The following NTRK3 variants were observed in gnomAD, a reference collection of about 807,000 sequenced individuals.
NTRK3 encodes NT-3 growth factor receptor.
A neutral mutation model predicts 91.7 loss-of-function variants in NTRK3; 24 were observed. The observed-to-expected ratio is 0.26, with a 90% CI of 0.19 to 0.37. The LOEUF (loss-of-function observed/expected upper bound fraction) is 0.37. NTRK3 is among the 10% of genes least tolerant of loss of function. The pLI is 1.00. For synonymous variants in NTRK3, 483 were observed against 404.0 expected (o/e 1.20, Z -2.34); for missense variants, 880 against 1,068.9 (o/e 0.82, Z 2.46).
intron 17 of NTRK3, among the ~76,000 whole-genome samples, chr15:87,912,929 A>ATATATATAT (rs1555435273): frequency 0.014 from 203 of 14,882 alleles, no homozygotes; most frequent in African/African-American, 0.016. Flanking sequence ...AAAGTAAAAA[A>ATATATATAT]AAATATATAT....
intron 14 of NTRK3, among the ~76,000 whole-genome samples, chr15:87,971,620 G>A (rs1267922520): frequency 6.6e-6 from 1 of 152,198 alleles, no homozygotes; most frequent in African/African-American, 2.4e-5. Context: ...ATTAGCCTTT[G>A]TAGGTGCAGG....
chr15:88,008,724 A>G (rs556866105), intron 14 of NTRK3, among the ~76,000 whole-genome samples: 1 of 152,156 alleles, frequency 6.6e-6, no homozygotes, highest in Non-Finnish European at 1.5e-5. Context: ...GCGATTCTTC[A>G]TATTAAACAG....
chr15:88,077,638 A>T (rs2047668150), intron 13 of NTRK3, among the ~76,000 whole-genome samples: 1 of 152,174 alleles, frequency 6.6e-6, no homozygotes, highest in Non-Finnish European at 1.5e-5. Flanking sequence ...TATATCTCCT[A>T]GCCTGCTGAA....
chr15:88,188,056 C>T (rs1052191490), intron 3 of NTRK3, among the ~76,000 whole-genome samples: 9 of 152,328 alleles, frequency 5.9e-5, no homozygotes, highest in South Asian at 2.1e-4. Context: ...CAGCTCATCC[C>T]TGCCCGGACA....
intron 17 of NTRK3, among the ~76,000 whole-genome samples, chr15:87,894,952 G>A (rs1324003349): frequency 2.0e-5 from 3 of 152,068 alleles, no homozygotes; most frequent in Admixed American, 1.3e-4. Flanking sequence ...CTCTTTGGTG[G>A]TTCATCCTAC....
At chr15:88,230,919 A>C (rs1482723137) in intron 3 of NTRK3, among the ~76,000 whole-genome samples, 1 of 152,252 alleles carries the variant, frequency 6.6e-6, no homozygotes, top group African/African-American at 2.4e-5. Flanking sequence ...GCCCATGGAG[A>C]AAACTGGCTG....
At chr15:88,086,731 G>A (rs372702604) in intron 13 of NTRK3, among the ~76,000 whole-genome samples, 2 of 152,198 alleles carry the variant, frequency 1.3e-5, no homozygotes, top group Non-Finnish European at 2.9e-5. Context: ...TTTGGAGTAC[G>A]CAGGTGGTTT....
At chr15:87,981,223 C>T in intron 14 of NTRK3, 1 of 1,575,650 alleles carries the variant, frequency 6.3e-7, no homozygotes, top group Non-Finnish European at 8.6e-7. Context: ...GGAGGTAACT[C>T]ACCATGTGAC....
chr15:88,199,758 T>C (rs2048140489), intron 3 of NTRK3, among the ~76,000 whole-genome samples: 1 of 152,186 alleles, frequency 6.6e-6, no homozygotes. Flanking sequence ...GACCCAGTCT[T>C]TGGCCCTCAC....
chr15:88,125,661 C>T (rs1253501077), intron 13 of NTRK3, among the ~76,000 whole-genome samples: 3 of 152,268 alleles, frequency 2.0e-5, no homozygotes, highest in South Asian at 2.1e-4. Context: ...TCCCCTTACC[C>T]GAGCCTTGGC....
chr15:88,107,690 C>T (rs541327296), intron 13 of NTRK3, among the ~76,000 whole-genome samples: 2 of 152,250 alleles, frequency 1.3e-5, no homozygotes, highest in Admixed American at 6.5e-5. Context: ...CATTTGCACA[C>T]AGATGTGTCT....
At chr15:88,027,403 GAC>G (rs1314504234) in intron 14 of NTRK3, among the ~76,000 whole-genome samples, 1 of 151,820 alleles carries the variant, frequency 6.6e-6, no homozygotes, top group Non-Finnish European at 1.5e-5. Flanking sequence ...TTTCTTTTGA[GAC>G]AGAGTCTCGC....
At chr15:88,110,217 G>A (rs903882845) in intron 13 of NTRK3, among the ~76,000 whole-genome samples, 4 of 152,154 alleles carry the variant, frequency 2.6e-5, no homozygotes, top group African/African-American at 9.7e-5. Flanking sequence ...TGCACAAAGT[G>A]GTGGGTAAAG....
chr15:87,954,030 G>C (rs998391253), intron 14 of NTRK3, among the ~76,000 whole-genome samples: 1 of 148,596 alleles, frequency 6.7e-6, no homozygotes, highest in Non-Finnish European at 1.5e-5. Flanking sequence ...GTGTGTGTGT[G>C]TGTGTGTGTG....
chr15:88,015,178 G>A (rs2077142770), intron 14 of NTRK3, among the ~76,000 whole-genome samples: 1 of 152,142 alleles, frequency 6.6e-6, no homozygotes, highest in African/African-American at 2.4e-5. Flanking sequence ...TTTTATTACA[G>A]TGTTGATAGT....
chr15:87,910,435 C>T (rs560256948), intron 17 of NTRK3, among the ~76,000 whole-genome samples: 4 of 152,224 alleles, frequency 2.6e-5, no homozygotes, highest in African/African-American at 4.8e-5. Flanking sequence ...CGGATGCTAA[C>T]GGTTGCTGAG....
In NTRK3 at chr15:87,940,453, G is replaced by A. The variant is rs141844283; in HGVS notation, c.1716+170C>T. Among the ~76,000 whole-genome samples, 1,136 of 152,324 alleles carry A rather than the reference G, an allele frequency of 7.5e-3. 4 individuals are homozygous for A. Among genetic ancestry groups the A allele is most frequent in the Non-Finnish European group, 0.012 (822 of 68,030 alleles). On this transcript the variant is annotated intron_variant, in intron 15 of 18. Coordinates refer to ENST00000394480, the Ensembl canonical transcript of NTRK3. ...CAGCCCTTGACCTTGGAAGCCAAAG[G>A]AAGTTGTTTTGGTCCCTAGGAAACT...
intron 13 of NTRK3, among the ~76,000 whole-genome samples, chr15:88,062,974 AG>A (rs1456615980): frequency 6.6e-6 from 1 of 152,202 alleles, no homozygotes; most frequent in South Asian, 2.1e-4. Context: ...TGTGGTGAGT[AG>A]GGGGGCTTCC....
intron 5 of NTRK3, among the ~76,000 whole-genome samples, chr15:88,182,694 C>G (rs2151604983): frequency 6.6e-6 from 1 of 152,274 alleles, no homozygotes; most frequent in African/African-American, 2.4e-5. Context: ...AATCACTCAC[C>G]CCAGGCTTCC....
Sources: gnomAD v4.1 joint callset for allele counts (sites outside exome capture counted in the v4.1 genomes callset) on GRCh38, gnomAD v4.1.1 for gene constraint, MANE v1.5 for transcripts, NCBI Gene and HGNC (gene_info 2026-07-23, HGNC 2026-07-21) for gene names.